SORCS1: variants seen among roughly 807,000 people sequenced by gnomAD.
SORCS1 encodes the protein sortilin related VPS10 domain containing receptor 1, also known as VPS10 domain-containing receptor SorCS1.
In SORCS1, 60 loss-of-function variants were observed where a neutral mutation model predicts 146.1. The observed-to-expected ratio is 0.41, with a 90% CI of 0.33 to 0.51. SORCS1 has a LOEUF of 0.51. Ranked by LOEUF, SORCS1 falls within the 20% of genes least tolerant of loss-of-function variation. The pLI, the probability that SORCS1 is intolerant of heterozygous loss-of-function variation, is 0.21. For synonymous variants in SORCS1, 637 were observed against 584.0 expected, an observed-to-expected ratio of 1.09 and a Z score of -1.31; for missense variants, 1,352 against 1,487.6, an observed-to-expected ratio of 0.91 and a Z score of 1.50.
chr10:106,815,333 T>G (rs1947685275), intron 3 of SORCS1, among the ~76,000 whole-genome samples: 1 of 152,062 alleles, frequency 6.6e-6, no homozygotes, highest in African/African-American at 2.4e-5. Flanking sequence ...GAAAATAAAA[T>G]AGCAACAAAC....
At chr10:106,900,939 T>C (rs6584767) in intron 2 of SORCS1, among the ~76,000 whole-genome samples, 12,019 of 152,234 alleles carry the variant, frequency 0.079, 1,039 homozygotes, top group African/African-American at 0.2. Context: ...CTTGTCTGCA[T>C]ATTTTGGTTT....
intron 1 of SORCS1, among the ~76,000 whole-genome samples, chr10:107,091,227 T>G (rs1464091173): frequency 6.6e-6 from 1 of 152,220 alleles, no homozygotes. Context: ...AGCTGGTGAG[T>G]AGCCCCATTT....
chr10:107,116,720 C>A (rs1380775048), intron 1 of SORCS1, among the ~76,000 whole-genome samples: 1 of 152,150 alleles, frequency 6.6e-6, no homozygotes, highest in South Asian at 2.1e-4. Context: ...TTCCAGGGAT[C>A]AAGTCTATGG....
At chr10:107,113,737 G>T (rs933387417) in intron 1 of SORCS1, among the ~76,000 whole-genome samples, 1 of 147,486 alleles carries the variant, frequency 6.8e-6, no homozygotes, top group African/African-American at 2.5e-5. Context: ...ACAACCTATT[G>T]TTACACCTCA....
chr10:107,066,678 AT>A (rs913150489), intron 1 of SORCS1, among the ~76,000 whole-genome samples: 2 of 152,078 alleles, frequency 1.3e-5, no homozygotes, highest in Admixed American at 6.5e-5. Context: ...CATTTCTATT[AT>A]TTTTTTAACA....
intron 2 of SORCS1, among the ~76,000 whole-genome samples, chr10:106,859,967 T>A (rs1564744804): frequency 6.6e-6 from 1 of 152,248 alleles, no homozygotes; most frequent in East Asian, 1.9e-4. Context: ...CACACTATCC[T>A]GTAAAGTTCT....
rs575140598 is a variant in SORCS1, at chr10:106,934,026, G to A, written c.626+22487C>T. Among the ~76,000 whole-genome samples the A allele has an allele frequency of 2.6e-4, 39 of 150,714 alleles. No homozygotes were observed. In the Middle Eastern group the frequency reaches 0.024, roughly 92 times the overall value. On this transcript the variant is annotated intron_variant, in intron 2 of 25. Transcript: ENST00000263054. The stretch of plus-strand genomic sequence containing the variant: ...GAAGAATCACTTGAACCCAGGAGGC[G>A]GAGGTTGCAGTGAGTCGAGATCACA...
chr10:106,878,616 C>A (rs1346823568), intron 2 of SORCS1, among the ~76,000 whole-genome samples: 1 of 42,640 alleles, frequency 2.3e-5, no homozygotes, highest in Admixed American at 2.9e-4. Context: ...TTATAAACTA[C>A]CTAGTATATA....
chr10:106,813,128 C>CTTTTTTTTTT (rs71025557), intron 3 of SORCS1, among the ~76,000 whole-genome samples: 52 of 98,718 alleles, frequency 5.3e-4, no homozygotes, highest in South Asian at 6.9e-4. Flanking sequence ...CTTCTCTTTT[C>CTTTTTTTTTT]TTTTTTTTTT....
intron 1 of SORCS1, among the ~76,000 whole-genome samples, chr10:107,055,716 C>T (rs1590034502): frequency 6.6e-6 from 1 of 152,238 alleles, no homozygotes; most frequent in Non-Finnish European, 1.5e-5. Flanking sequence ...AAAAATAATA[C>T]GGCTGAACAT....
chr10:106,842,049 A>C (rs146695163), intron 2 of SORCS1, among the ~76,000 whole-genome samples: 3 of 152,160 alleles, frequency 2.0e-5, no homozygotes, highest in African/African-American at 7.2e-5. Context: ...CCAGCAGTGA[A>C]TCAGAGTTCC....
upstream of SORCS1, among the ~76,000 whole-genome samples, chr10:107,169,054 C>G (rs115935386): frequency 6.6e-6 from 1 of 152,082 alleles, no homozygotes; most frequent in Non-Finnish European, 1.5e-5. Context: ...AATGTTATAA[C>G]CACTCCCCAC....
At chr10:107,071,744 G>A (rs983734554) in intron 1 of SORCS1, among the ~76,000 whole-genome samples, 12 of 152,072 alleles carry the variant, frequency 7.9e-5, no homozygotes, top group Admixed American at 2.0e-4. Flanking sequence ...TCCAGTCAGC[G>A]GACAGAAACC....
intron 3 of SORCS1, among the ~76,000 whole-genome samples, chr10:106,799,889 GACT>G (rs1946777161): frequency 6.6e-6 from 1 of 152,184 alleles, no homozygotes; most frequent in African/African-American, 2.4e-5. Flanking sequence ...CATGAAAATA[GACT>G]AACACAGGTC....
chr10:107,153,975 C>G lies in SORCS1; in HGVS notation c.558+9994G>C, dbSNP rs545330705. Among the ~76,000 whole-genome samples the G allele has an allele frequency of 2.6e-5, 4 of 151,038 alleles. No homozygotes were observed. In the South Asian group the frequency reaches 6.3e-4, roughly 24 times the overall value. On this transcript the variant is annotated intron_variant, in intron 1 of 25. Coordinates refer to ENST00000263054, the MANE Select transcript of SORCS1 (RefSeq NM_052918.5). ...AATAATTGAAAAAAACTGTTTCAAA[C>G]CCTTACTATTTCCAGTATATTTCTT...
At chr10:107,090,281 G>A (rs1186974272) in intron 1 of SORCS1, among the ~76,000 whole-genome samples, 2 of 152,194 alleles carry the variant, frequency 1.3e-5, no homozygotes, top group South Asian at 4.1e-4. Flanking sequence ...CACCACAAGA[G>A]AGGAAGTAAA....
chr10:106,578,998 G>T (rs1294588740), intron 25 of SORCS1: 12 of 1,511,672 alleles, frequency 7.9e-6, no homozygotes, highest in African/African-American at 1.4e-5. Flanking sequence ...TAGAGCAAAA[G>T]AAAGTGGTTA....
At chr10:106,754,048 C>T (rs935488956) in intron 5 of SORCS1, among the ~76,000 whole-genome samples, 3 of 152,186 alleles carry the variant, frequency 2.0e-5, no homozygotes, top group African/African-American at 7.2e-5. Flanking sequence ...GATGCCTTCG[C>T]ATTATCTTCC....
At chr10:107,052,827 A>G (rs1027854930) in intron 1 of SORCS1, among the ~76,000 whole-genome samples, 1 of 152,130 alleles carries the variant, frequency 6.6e-6, no homozygotes, top group African/African-American at 2.4e-5. Flanking sequence ...TTATTAGAAC[A>G]TTAGTGATAG....
Sources: allele counts gnomAD v4.1 joint callset (sites outside exome capture counted in the v4.1 genomes callset), GRCh38; gene constraint gnomAD v4.1.1; transcripts MANE v1.5; gene names NCBI Gene and HGNC (gene_info 2026-07-23, HGNC 2026-07-21).